MAP6D1: variants seen among roughly 807,000 people sequenced by gnomAD.
The protein encoded by MAP6D1 is MAP6 domain-containing protein 1.
Under a neutral mutation model 17.4 loss-of-function variants are expected in MAP6D1, and 13 were observed. The observed-to-expected ratio is 0.75, with a 90% CI of 0.49 to 1.19. MAP6D1 has a LOEUF of 1.19. Among genes scored for constraint, MAP6D1 ranks in the 50% most tolerant of loss-of-function variants. The pLI is 0.00. For synonymous variants in MAP6D1, 141 were observed against 145.7 expected, an observed-to-expected ratio of 0.97 and a Z score of 0.23; for missense variants, 313 against 312.6, an observed-to-expected ratio of 1.00 and a Z score of -0.01.
chr3:183,822,177 C>G (rs888949495), intron 1 of MAP6D1, among the ~76,000 whole-genome samples: 1 of 150,702 alleles, frequency 6.6e-6, no homozygotes, highest in African/African-American at 2.4e-5. Context: ...GAGGCTGAGG[C>G]AGGAGGATCG....
In MAP6D1 at chr3:183,817,383, G is replaced by A. The variant is rs1460159166; in HGVS notation, c.573C>T (p.Ala191=). 6.4e-7 allele frequency: 1 copy of A among 1,571,212 alleles called. No homozygotes were observed. Among genetic ancestry groups the A allele is most frequent in the Non-Finnish European group, 8.6e-7 (1 of 1,158,134 alleles). Residue 191 remains alanine, a synonymous_variant, in exon 3 of 3, where the codon GCC becomes GCT. Transcript: ENST00000318631. ...ACACGTTGAGAATCCGGGGAGCTGAGGCCTGAAAGATGGCGGAGGGGTTAG... is the reference window on the plus strand; with the variant it reads ...ACACGTTGAGAATCCGGGGAGCTGAAGCCTGAAAGATGGCGGAGGGGTTAG... ...FTPNPSAIFQ[A]SAPRILNV
At chr3:183,821,541 C>CTTT (rs59131602) in intron 1 of MAP6D1, among the ~76,000 whole-genome samples, 1,298 of 98,034 alleles carry the variant, frequency 0.013, 32 homozygotes, top group Middle Eastern at 0.022. Flanking sequence ...TGAGGGATTG[C>CTTT]TTTTTTTTTT....
Position 183,817,392 on chromosome 3 carries a change from G to C in MAP6D1, c.564C>G (p.Ile188Met). 6.4e-7 allele frequency: 1 copy of C among 1,571,776 alleles called. No homozygotes were observed. Among genetic ancestry groups the C allele is most frequent in the Non-Finnish European group, 8.6e-7 (1 of 1,158,318 alleles). ...GAATCCGGGGAGCTGAGGCCTGAAAGATGGCGGAGGGGTTAGGAGTGAACT... is the reference window on the plus strand; with the variant it reads ...GAATCCGGGGAGCTGAGGCCTGAAACATGGCGGAGGGGTTAGGAGTGAACT... ...RKKFTPNPSAIFQASAPRILN... is the reference protein window; with the variant it reads ...RKKFTPNPSAMFQASAPRILN... Residue 188 changes from isoleucine to methionine, a missense_variant, in exon 3 of 3, where the codon ATC (isoleucine) becomes ATG (methionine). Coordinates refer to ENST00000318631, the MANE Select transcript of MAP6D1 (RefSeq NM_024871.4).
chr3:183,823,453 T>G (rs1375720855), intron 1 of MAP6D1, among the ~76,000 whole-genome samples: 1 of 151,942 alleles, frequency 6.6e-6, no homozygotes. Flanking sequence ...TACAAAAAAT[T>G]AGCTGGGCGT....
chr3:183,818,086 C>G lies in MAP6D1; in HGVS notation c.427G>C (p.Val143Leu). The G allele has an allele frequency of 6.2e-7, 1 of 1,614,138 alleles. No homozygotes were observed. Among genetic ancestry groups the G allele is most frequent in the East Asian group, 2.2e-5 (1 of 44,876 alleles). The change falls in exon 2 of 3, where the codon GTG (valine) becomes CTG (leucine). Residue 143 changes from valine (V) to leucine (L), a missense_variant. Coordinates refer to ENST00000318631, the MANE Select transcript of MAP6D1 (RefSeq NM_024871.4). ...GTCTTTGTGGATCTTGAGGGCTTCA[C>G]TCCAGTCCAAGCCTGGAATTCCTGT... ...YRQEFQAWTG[V>L]KPSRSTKTKP... is the part of the protein sequence containing the mutation.
rs962175130 is a variant in MAP6D1 at position 183,816,002 on chromosome 3, C to T, written c.*1354G>A. The T allele has an allele frequency of 6.6e-6, 1 of 152,244 alleles. No homozygotes were observed. Among genetic ancestry groups the T allele is most frequent in the Non-Finnish European group, 1.5e-5 (1 of 68,052 alleles). The allele number at this position is 152,244 out of a possible 1,614,324, so 9.4% of individuals were successfully genotyped here. Reference sequence around the variant, plus strand: ...ACACCCAGCAGGCAGCCTCTTTTCTCTTAGAAAAATCAAACATGCAAGCCG... The same window carrying T: ...ACACCCAGCAGGCAGCCTCTTTTCTTTTAGAAAAATCAAACATGCAAGCCG... On this transcript the variant is annotated 3_prime_UTR_variant, in exon 3 of 3. Coordinates refer to ENST00000318631, the MANE Select transcript of MAP6D1 (RefSeq NM_024871.4).
rs1727125217 is a variant in MAP6D1, at chr3:183,816,987, A to C, written c.*369T>G. ...CCTGGGAAATCCACCAAAAGTGGAC[A>C]TAACTGGTTCTTTCAAGGGCCGGAT... On this transcript the variant is annotated 3_prime_UTR_variant, in exon 3 of 3. Coordinates refer to ENST00000318631, the MANE Select transcript of MAP6D1 (RefSeq NM_024871.4). The C allele has an allele frequency of 4.0e-6, 1 of 249,274 alleles. No homozygotes were observed. Among genetic ancestry groups the C allele is most frequent in the Non-Finnish European group, 7.9e-6 (1 of 126,114 alleles). 15.4% of individuals were successfully genotyped at this position (249,274 alleles called of 1,614,324 possible).
intron 1 of MAP6D1, among the ~76,000 whole-genome samples, chr3:183,820,832 G>A (rs1344267875): frequency 5.3e-5 from 8 of 152,168 alleles, no homozygotes; most frequent in South Asian, 2.1e-4. Flanking sequence ...GCGTGAACCC[G>A]GGAGGCGGAG....
Position 183,825,244 on chromosome 3 carries a change from C to T in MAP6D1, c.304G>A (p.Ala102Thr), listed in dbSNP as rs370227160. 2.2e-3 allele frequency: 3,106 copies of T among 1,382,560 alleles called. 65 individuals are homozygous for T. In the African/African-American group the frequency reaches 0.042, roughly 19 times the overall value. 85.6% of individuals were successfully genotyped at this position (1,382,560 alleles called of 1,614,324 possible). Residue 102 changes from alanine (A) to threonine (T), a missense_variant, in exon 1 of 3, where the codon GCG (alanine) becomes ACG (threonine). Ala to Thr is a moderately conservative substitution (Grantham distance 58, BLOSUM62 0). Coordinates refer to ENST00000318631, the MANE Select transcript of MAP6D1 (RefSeq NM_024871.4). Reference sequence around the variant, plus strand: ...GGCGCAGGTGGCGCGGAGGACTGCGCGGAGGATTTGCCCCTGCGGCCGCCC... The same window carrying T: ...GGCGCAGGTGGCGCGGAGGACTGCGTGGAGGATTTGCCCCTGCGGCCGCCC... ...GAGGRRGKSS[A>T]QSSAPPAPGA...
chr3:183,817,810 G>A (rs947888970), intron 2 of MAP6D1, among the ~76,000 whole-genome samples, 184 bp downstream of exon 2: 1 of 152,206 alleles, frequency 6.6e-6, no homozygotes, highest in African/African-American at 2.4e-5. Flanking sequence ...AGAGGCCAAC[G>A]CTAGAGGGCC....
At chr3:183,818,249 C>T (rs1727165663) in intron 1 of MAP6D1, 138 bp from the exon 2 acceptor site, 3 of 718,898 alleles carry the variant, frequency 4.2e-6, no homozygotes, top group Non-Finnish European at 7.2e-6. Context: ...TCATCATCTT[C>T]CCAAAGACAG....
chr3:183,819,035 C>T (rs1340459782), intron 1 of MAP6D1, among the ~76,000 whole-genome samples: 1 of 152,266 alleles, frequency 6.6e-6, no homozygotes, highest in Non-Finnish European at 1.5e-5. Flanking sequence ...GTCCCAGGAG[C>T]ACCTGGCCAA....
intron 1 of MAP6D1, among the ~76,000 whole-genome samples, chr3:183,822,673 G>A (rs923894009): frequency 6.6e-6 from 1 of 151,500 alleles, no homozygotes; most frequent in African/African-American, 2.4e-5. Flanking sequence ...TTGCAGGGTG[G>A]GTCTTGCATT....
Position 183,819,270 on chromosome 3 carries a change from C to T in MAP6D1, c.402-1159G>A, listed in dbSNP as rs544815298. Among the ~76,000 whole-genome samples, 7 of 152,370 alleles carry T rather than the reference C, an allele frequency of 4.6e-5. No homozygotes were observed. In the South Asian group the frequency reaches 6.2e-4, roughly 14 times the overall value. Reference sequence around the variant, plus strand: ...CAGGAGGAGAGCTAGGCCGGGGCCCCGTCAGGTAATTTTCACTCCCGAAGC... The same window carrying T: ...CAGGAGGAGAGCTAGGCCGGGGCCCTGTCAGGTAATTTTCACTCCCGAAGC... On this transcript the variant is annotated intron_variant, in intron 1 of 2. Transcript: ENST00000318631.
At chr3:183,819,219 T>C (rs1423820066) in intron 1 of MAP6D1, among the ~76,000 whole-genome samples, 2 of 152,260 alleles carry the variant, frequency 1.3e-5, no homozygotes, top group African/African-American at 4.8e-5. Flanking sequence ...AGGGAATGGC[T>C]GTGTCCATGG....
At chr3:183,818,654 C>T (rs1436728250) in intron 1 of MAP6D1, among the ~76,000 whole-genome samples, 1 of 152,244 alleles carries the variant, frequency 6.6e-6, no homozygotes, top group African/African-American at 2.4e-5. Context: ...GCCAGACCCG[C>T]TTAAGACTGA....
At position 183,817,316 on chromosome 3, in the gene MAP6D1, CCCTGT is replaced by C. The variant is rs368298688; in HGVS notation, c.*35_*39del. The C allele has an allele frequency of 3.7e-4, 569 of 1,544,598 alleles. 5 individuals are homozygous for C. In the East Asian group the frequency reaches 0.011, roughly 30 times the overall value. ...AGTGGGTCCTGAGGCCGCTCCCCAGCCCTGTCCTGTCGGCAGCCATGGTGTCACGG... is the reference window on the plus strand; with the variant it reads ...AGTGGGTCCTGAGGCCGCTCCCCAGCCCTGTCGGCAGCCATGGTGTCACGG... On this transcript the variant is annotated 3_prime_UTR_variant, in exon 3 of 3. Transcript: ENST00000318631.
chr3:183,821,455 G>C (rs576393571), intron 1 of MAP6D1, among the ~76,000 whole-genome samples: 1 of 151,868 alleles, frequency 6.6e-6, no homozygotes, highest in Non-Finnish European at 1.5e-5. Context: ...CAGAGAAGGC[G>C]ACAGCTAGTA....
Position 183,817,298 on chromosome 3 carries a change from CCT to C in MAP6D1, c.*56_*57del. 6.6e-7 allele frequency: 1 copy of C among 1,514,660 alleles called. No individual in the cohort carries two copies. Among genetic ancestry groups the C allele is most frequent in the Non-Finnish European group, 9.0e-7 (1 of 1,115,056 alleles). The allele number at this position is 1,514,660 out of a possible 1,614,324, so 93.8% of individuals were successfully genotyped here. ...CTCGCCCAGCCCCGCGGCAGTGGGT[CCT>C]GAGGCCGCTCCCCAGCCCTGTCCTG... On this transcript the variant is annotated 3_prime_UTR_variant, in exon 3 of 3. Coordinates refer to ENST00000318631, the MANE Select transcript of MAP6D1 (RefSeq NM_024871.4).
Sources: gnomAD v4.1 joint callset for allele counts (sites outside exome capture counted in the v4.1 genomes callset) on GRCh38, gnomAD v4.1.1 for gene constraint, MANE v1.5 for transcripts, NCBI Gene and HGNC (gene_info 2026-07-23, HGNC 2026-07-21) for gene names.